Variants in EMC2 observed in about 807,000 individuals in gnomAD.
EMC2 encodes the protein TPR repeat protein 35.
EMC2 carries 37 observed loss-of-function variants against 51.6 expected under a neutral mutation model. The observed-to-expected ratio is 0.72, with a 90% confidence interval of 0.55 to 0.94. The LOEUF (loss-of-function observed/expected upper bound fraction) is 0.94, where lower values mean the gene tolerates loss of function less well. Among genes scored for constraint, EMC2 ranks in the 40% least tolerant of loss-of-function variants. EMC2 has a pLI of 0.00. For missense variants in EMC2, 359 were observed against 350.9 expected (o/e 1.02, Z -0.18); for synonymous variants, 131 against 112.4 (o/e 1.17, Z -1.04).
At chr8:108,447,299 C>T (rs991873165) in intron 1 of EMC2, among the ~76,000 whole-genome samples, 6 of 138,108 alleles carry the variant, frequency 4.3e-5, no homozygotes, top group Middle Eastern at 3.6e-3. Flanking sequence ...TTGAAAAATA[C>T]GTCTTCTGGA....
intron 5 of EMC2, among the ~76,000 whole-genome samples, chr8:108,467,299 T>G (rs13278450): frequency 6.6e-6 from 1 of 152,184 alleles, no homozygotes; most frequent in Non-Finnish European, 1.5e-5. Flanking sequence ...TTGTATATTG[T>G]TTAAAATTTT....
chr8:108,486,599 G>C lies in EMC2; in HGVS notation c.*1G>C. On this transcript the variant is annotated 3_prime_UTR_variant, in exon 11 of 11. Coordinates refer to ENST00000220853, the MANE Select transcript of EMC2 (RefSeq NM_014673.5). ...AACATTGCAGATCACCCAGTCTTAA[G>C]GTTTCAAAAACTCTTTGACATTAGA... 1 of 1,592,600 alleles carries C rather than the reference G, an allele frequency of 6.3e-7. No homozygotes were observed. Among genetic ancestry groups the C allele is most frequent in the Non-Finnish European group, 8.5e-7 (1 of 1,172,144 alleles).
chr8:108,458,053 T>C lies in EMC2; in HGVS notation c.363+2123T>C, dbSNP rs566972190. Among the ~76,000 whole-genome samples the C allele has an allele frequency of 2.0e-5, 3 of 152,280 alleles. No homozygotes were observed. In the South Asian group the frequency reaches 6.2e-4, roughly 32 times the overall value. On this transcript the variant is annotated intron_variant, in intron 5 of 10. Coordinates refer to ENST00000220853, the MANE Select transcript of EMC2 (RefSeq NM_014673.5). The stretch of plus-strand genomic sequence containing the variant: ...CCAAACAAAGAGGCTACAGGCCCCA[T>C]GCAAGTCTGAAATCCAGCGGGGCAG...
At chr8:108,461,950 A>G (rs1819333192) in intron 5 of EMC2, among the ~76,000 whole-genome samples, 1 of 152,060 alleles carries the variant, frequency 6.6e-6, no homozygotes, top group African/African-American at 2.4e-5. Flanking sequence ...CTGGGACTAC[A>G]GGCACGTGCC....
At chr8:108,464,876 A>G (rs946139620) in intron 5 of EMC2, among the ~76,000 whole-genome samples, 4 of 152,170 alleles carry the variant, frequency 2.6e-5, no homozygotes, top group African/African-American at 9.7e-5. Flanking sequence ...TGCTTTTAAA[A>G]TGCCGCATTT....
intron 10 of EMC2, among the ~76,000 whole-genome samples, chr8:108,480,342 A>G (rs924833043): frequency 5.3e-5 from 8 of 152,048 alleles, no homozygotes; most frequent in South Asian, 2.1e-4. Context: ...TTAGGAGACA[A>G]TGTTTATGGA....
intron 1 of EMC2, among the ~76,000 whole-genome samples, chr8:108,445,556 C>T (rs1488787472): frequency 6.6e-6 from 1 of 151,786 alleles, no homozygotes; most frequent in African/African-American, 2.4e-5. Flanking sequence ...CTTACTTGAC[C>T]ACTCTACTAC....
intron 5 of EMC2, among the ~76,000 whole-genome samples, chr8:108,466,904 T>C (rs1810726730): frequency 6.6e-6 from 1 of 152,114 alleles, no homozygotes; most frequent in Non-Finnish European, 1.5e-5. Flanking sequence ...GCTGGACTCT[T>C]TATTCACAGT....
At chr8:108,448,470 C>G (rs563245870) in intron 1 of EMC2, among the ~76,000 whole-genome samples, 6 of 152,170 alleles carry the variant, frequency 3.9e-5, no homozygotes, top group South Asian at 4.1e-4. Context: ...GGGGACAGGT[C>G]TTTCCCATGC....
intron 4 of EMC2, among the ~76,000 whole-genome samples, chr8:108,453,539 C>G (rs1819081275): frequency 6.6e-6 from 1 of 151,584 alleles, no homozygotes; most frequent in Admixed American, 6.6e-5. Flanking sequence ...TGATGAAGTT[C>G]AGTTTATCAT....
intron 3 of EMC2, among the ~76,000 whole-genome samples, chr8:108,452,794 A>T (rs956262141): frequency 1.3e-5 from 2 of 152,204 alleles, no homozygotes; most frequent in African/African-American, 4.8e-5. Flanking sequence ...ATATGATATT[A>T]GTACTTAAAG....
At chr8:108,478,896 C>T in intron 9 of EMC2, 110 bp from the exon 10 acceptor site, 1 of 406,616 alleles carries the variant, frequency 2.5e-6, no homozygotes. Flanking sequence ...TATTTTAATA[C>T]AGTTTTTAAA....
At position 108,487,240 on chromosome 8, in the gene EMC2, T is replaced by C. The variant is rs185359255; in HGVS notation, c.*642T>C. ...TGAGATTTTTACATATAAAATGCCT[T>C]AAGATAAATATGTGTTACGACACTT... On this transcript the variant is annotated 3_prime_UTR_variant, in exon 11 of 11. Transcript: ENST00000220853. Among the ~76,000 whole-genome samples, 24 of 152,232 alleles carry C rather than the reference T, an allele frequency of 1.6e-4. No homozygotes were observed. Among genetic ancestry groups the C allele is most frequent in the Non-Finnish European group, 7.4e-5 (5 of 67,962 alleles).
intron 1 of EMC2, among the ~76,000 whole-genome samples, chr8:108,444,849 A>T (rs566239299): frequency 2.0e-5 from 3 of 152,226 alleles, no homozygotes. Context: ...CACAGTCCCC[A>T]CTTCCAAGGA....
chr8:108,446,266 A>G (rs1222643712), intron 1 of EMC2: 5 of 423,032 alleles, frequency 1.2e-5, no homozygotes, highest in Non-Finnish European at 2.4e-5. Flanking sequence ...ATAATGAAGT[A>G]TAGTTCCAGT....
At chr8:108,471,636 C>T (rs996382718) in intron 7 of EMC2, among the ~76,000 whole-genome samples, 1 of 151,860 alleles carries the variant, frequency 6.6e-6, no homozygotes, top group African/African-American at 2.4e-5. Context: ...GTCACTGTAA[C>T]AATCTACAGT....
chr8:108,461,174 T>A (rs1586182340), intron 5 of EMC2, among the ~76,000 whole-genome samples: 1 of 152,260 alleles, frequency 6.6e-6, no homozygotes, highest in African/African-American at 2.4e-5. Flanking sequence ...TTACTGTTGC[T>A]CCCTGCATTG....
chr8:108,453,365 T>C (rs1390176174), intron 4 of EMC2, among the ~76,000 whole-genome samples: 1 of 152,196 alleles, frequency 6.6e-6, no homozygotes, highest in Non-Finnish European at 1.5e-5. Flanking sequence ...TCTTTACCCA[T>C]TTAAAAAATT....
At chr8:108,476,056 G>A in intron 8 of EMC2, 93 bp downstream of exon 8, 1 of 675,164 alleles carries the variant, frequency 1.5e-6, no homozygotes. Flanking sequence ...TGTTAAGCAA[G>A]TATATAAATA....
Sources: allele counts gnomAD v4.1 joint callset (sites outside exome capture counted in the v4.1 genomes callset), GRCh38; gene constraint gnomAD v4.1.1; transcripts MANE v1.5; gene names NCBI Gene and HGNC (gene_info 2026-07-23, HGNC 2026-07-21).